ABCB1: variants seen among roughly 807,000 people sequenced by gnomAD.
The protein encoded by ABCB1 is ATP-dependent translocase ABCB1.
In ABCB1, 69 loss-of-function variants were observed where a neutral mutation model predicts 142.0. That is an observed-to-expected ratio of 0.49 (90% CI 0.40 to 0.59). The LOEUF (loss-of-function observed/expected upper bound fraction) is 0.59. Ranked by LOEUF, ABCB1 falls within the 20% of genes least tolerant of loss-of-function variation. The pLI, the probability that ABCB1 is intolerant of heterozygous loss-of-function variation, is 0.00. For synonymous variants in ABCB1, 532 were observed against 539.2 expected, an observed-to-expected ratio of 0.99 and a Z score of 0.18; for missense variants, 1,326 against 1,554.7, an observed-to-expected ratio of 0.85 and a Z score of 2.47.
At chr7:87,706,614 C>T (rs746088435) in intron 1 of ABCB1, among the ~76,000 whole-genome samples, 1 of 152,180 alleles carries the variant, frequency 6.6e-6, no homozygotes, top group South Asian at 2.1e-4. Flanking sequence ...GGATATTACA[C>T]GAGCTGAGCC....
At chr7:87,682,923 A>G (rs577803448) in intron 1 of ABCB1, among the ~76,000 whole-genome samples, 1 of 152,246 alleles carries the variant, frequency 6.6e-6, no homozygotes, top group Admixed American at 6.5e-5. Flanking sequence ...TTCTTCCAAT[A>G]TAAAGCTGTT....
chr7:87,684,930 TTCCTTACCTCACA>T lies in ABCB1; in HGVS notation c.-331+28218_-331+28230del, dbSNP rs150672206. ...GTGTGCAAAAAAAAAGTGAACCTTG[TTCCTTACCTCACA>T]TTTAGCTCAAGGTGGGTTATAGGTG... On this transcript the variant is annotated intron_variant, in intron 1 of 28. Coordinates refer to the ABCB1 transcript ENST00000265724. Among the ~76,000 whole-genome samples, 436 of 152,208 alleles carry T rather than the reference TTCCTTACCTCACA, an allele frequency of 2.9e-3. 4 individuals carry two copies. The highest frequency in any genetic ancestry group is 9.9e-3 in the African/African-American group (413 of 41,556).
upstream of ABCB1, among the ~76,000 whole-genome samples, chr7:87,602,684 T>G (rs1277229151): frequency 6.6e-6 from 1 of 152,164 alleles, no homozygotes; most frequent in African/African-American, 2.4e-5. Flanking sequence ...CAGGTAAAGA[T>G]CTCTATCAAA....
intron 1 of ABCB1, among the ~76,000 whole-genome samples, chr7:87,639,340 A>T (rs1021991957): frequency 3.3e-5 from 5 of 152,186 alleles, no homozygotes; most frequent in Admixed American, 2.6e-4. Context: ...ACATATATTT[A>T]ATATGCATTT....
chr7:87,686,382 T>C (rs1827458806), intron 1 of ABCB1, among the ~76,000 whole-genome samples: 1 of 151,796 alleles, frequency 6.6e-6, no homozygotes, highest in South Asian at 2.1e-4. Flanking sequence ...CACAAAGGAG[T>C]ATATCTGTTT....
chr7:87,515,661 G>A (rs1240612895), intron 24 of ABCB1, among the ~76,000 whole-genome samples: 2 of 151,974 alleles, frequency 1.3e-5, no homozygotes, highest in African/African-American at 2.4e-5. Context: ...CATGATCTCA[G>A]CTCACTGCAA....
rs956080232 is a variant in ABCB1 at position 87,542,193 on chromosome 7, TAAC to T, written c.2212-732_2212-730del. Reference sequence around the variant, plus strand: ...TATCCTTCATAAAAAAACAAACAAATAACAACAACAACAAGGATTTTTGAAGAG... The same window carrying T: ...TATCCTTCATAAAAAAACAAACAAATAACAACAACAAGGATTTTTGAAGAG... On this transcript the variant is annotated intron_variant, in intron 17 of 27. Coordinates refer to ENST00000622132, the MANE Select transcript of ABCB1 (RefSeq NM_001348946.2). 5.9e-5 allele frequency among the ~76,000 whole-genome samples: 9 copies of T among 152,128 alleles called. No homozygotes were observed. In the South Asian group the frequency reaches 8.3e-4, roughly 14 times the overall value.
intron 1 of ABCB1, among the ~76,000 whole-genome samples, chr7:87,665,560 G>A (rs1312639801): frequency 6.6e-6 from 1 of 152,002 alleles, no homozygotes; most frequent in Non-Finnish European, 1.5e-5. Flanking sequence ...AAACTTTTAT[G>A]TTCAAGGGTA....
At chr7:87,545,329 T>G (rs980071094) in intron 15 of ABCB1, among the ~76,000 whole-genome samples, 8 of 152,212 alleles carry the variant, frequency 5.3e-5, no homozygotes, top group Non-Finnish European at 7.3e-5. Context: ...TCAACAGAAA[T>G]ATGGCACAAG....
At chr7:87,588,505 C>T (rs893763622) in intron 3 of ABCB1, among the ~76,000 whole-genome samples, 7 of 152,190 alleles carry the variant, frequency 4.6e-5, no homozygotes, top group African/African-American at 1.2e-4. Context: ...CTGCAAAGGA[C>T]GTGATCTCGT....
intron 1 of ABCB1, among the ~76,000 whole-genome samples, chr7:87,626,222 A>T (rs11440099): frequency 8.6e-5 from 1 of 11,566 alleles, no homozygotes; most frequent in Non-Finnish European, 1.4e-4. Context: ...TGTCATATAT[A>T]TGTCATATAT....
intron 8 of ABCB1, 114 bp from the exon 9 acceptor site, chr7:87,554,046 G>A (rs1045801781): frequency 2.1e-6 from 2 of 949,090 alleles, no homozygotes; most frequent in Admixed American, 1.9e-5. Context: ...CATGCATTTT[G>A]TCCTGCTGCT....
intron 1 of ABCB1, among the ~76,000 whole-genome samples, chr7:87,642,028 G>A (rs1318511222): frequency 6.6e-6 from 1 of 151,580 alleles, no homozygotes; most frequent in Non-Finnish European, 1.5e-5. Context: ...ATTTATACGT[G>A]GACGATATGC....
chr7:87,601,593 T>C (rs1819459721), upstream of ABCB1, among the ~76,000 whole-genome samples: 2 of 152,204 alleles, frequency 1.3e-5, no homozygotes. Context: ...TTAGTTGTAA[T>C]TTCCTTCCAT....
At chr7:87,577,676 A>G (rs545804807) in intron 4 of ABCB1, among the ~76,000 whole-genome samples, 1 of 152,322 alleles carries the variant, frequency 6.6e-6, no homozygotes, top group African/African-American at 2.4e-5. Context: ...CTGATGATCA[A>G]TGATGTTGAG....
At chr7:87,622,605 T>A (rs1273685250) in intron 1 of ABCB1, among the ~76,000 whole-genome samples, 1 of 152,230 alleles carries the variant, frequency 6.6e-6, no homozygotes, top group African/African-American at 2.4e-5. Context: ...CTATATTGCA[T>A]GAGTGATACA....
intron 22 of ABCB1, 25 bp downstream of exon 22, chr7:87,520,750 TC>T (rs1815465593): frequency 6.4e-7 from 1 of 1,571,720 alleles, no homozygotes; most frequent in Admixed American, 1.7e-5. Context: ...ATTCACACTC[TC>T]CTCCCACTCT....
intron 21 of ABCB1, among the ~76,000 whole-genome samples, chr7:87,526,639 G>C (rs997011753): frequency 6.6e-6 from 1 of 152,088 alleles, no homozygotes; most frequent in Admixed American, 6.6e-5. Context: ...ATGGGTTCTG[G>C]GTGGCCAGGA....
rs1563080649 is a variant in ABCB1, at chr7:87,626,413, T to TATATATGTGTCATATGTATGTGTC, written c.-330-25359_-330-25336dup. ...ATATATGTGTCATATGTATGTGTCA[T>TATATATGTGTCATATGTATGTGTC]ATATATGTGTCATATGTATGTGTCA... On this transcript the variant is annotated intron_variant, in intron 1 of 28. Transcript: ENST00000265724. Among the ~76,000 whole-genome samples the TATATATGTGTCATATGTATGTGTC allele has an allele frequency of 8.2e-4, 18 of 21,944 alleles. 6 individuals carry two copies. The highest frequency in any genetic ancestry group is 9.0e-4 in the Non-Finnish European group (14 of 15,564). 14.4% of individuals were successfully genotyped at this position (21,944 alleles called of 152,430 possible).
Sources: allele counts gnomAD v4.1 joint callset (sites outside exome capture counted in the v4.1 genomes callset), GRCh38; gene constraint gnomAD v4.1.1; transcripts MANE v1.5; gene names NCBI Gene and HGNC (gene_info 2026-07-23, HGNC 2026-07-21).